Variants in RASSF4 observed in about 807,000 individuals in gnomAD.
RASSF4 encodes ras association domain-containing protein 4.
RASSF4 carries 38 observed loss-of-function variants against 41.1 expected under a neutral mutation model. The observed-to-expected ratio is 0.92, with a 90% CI of 0.71 to 1.21. RASSF4 has a LOEUF of 1.21. Among genes scored for constraint, RASSF4 ranks in the 50% most tolerant of loss-of-function variants. The pLI, the probability that RASSF4 is intolerant of heterozygous loss-of-function variation, is 0.00. For missense variants in RASSF4, 414 were observed against 419.4 expected (o/e 0.99, Z 0.11); for synonymous variants, 179 against 163.4 (o/e 1.10, Z -0.73).
intron 6 of RASSF4, among the ~76,000 whole-genome samples, chr10:44,985,191 G>T (rs982655775): frequency 2.0e-5 from 3 of 152,244 alleles, no homozygotes; most frequent in Admixed American, 1.3e-4. Context: ...ATTCTGGCAA[G>T]TAAGCTGGGG....
At chr10:44,982,768 A>T in intron 4 of RASSF4, 105 bp downstream of exon 4, 1 of 1,279,084 alleles carries the variant, frequency 7.8e-7, no homozygotes, top group Non-Finnish European at 1.1e-6. Flanking sequence ...GGACACTGGC[A>T]CAGGAGGGTG....
At chr10:44,987,186 C>A (rs1295579579) in intron 6 of RASSF4, among the ~76,000 whole-genome samples, 2 of 152,184 alleles carry the variant, frequency 1.3e-5, no homozygotes, top group Non-Finnish European at 2.9e-5. Flanking sequence ...CTCACTGCAA[C>A]CTCCACCTCC....
chr10:44,983,193 G>A, intron 4 of RASSF4: 1 of 347,948 alleles, frequency 2.9e-6, no homozygotes, highest in Admixed American at 3.8e-5. Context: ...ACTCCCAAAA[G>A]ACGCAGTTAG....
At chr10:44,989,144 A>G (rs976504856) in intron 6 of RASSF4, 130 bp from the exon 7 acceptor site, 2 of 621,712 alleles carry the variant, frequency 3.2e-6, no homozygotes, top group Non-Finnish European at 5.8e-6. Flanking sequence ...TGTGTGCATC[A>G]GCGTGAATGG....
chr10:44,984,202 C>T (rs1841831280), intron 5 of RASSF4, 89 bp downstream of exon 5: 2 of 1,294,782 alleles, frequency 1.5e-6, no homozygotes, highest in African/African-American at 1.5e-5. Context: ...CTCCGAAGGA[C>T]AGCTTTGTGC....
At position 44,970,990 on chromosome 10, in the gene RASSF4, T is replaced by C. The variant is rs139675590; in HGVS notation, c.62+726T>C. The C allele has an allele frequency of 2.0e-3, 346 of 171,026 alleles. 1 individual carries two copies. Among genetic ancestry groups the C allele is most frequent in the African/African-American group, 7.3e-3 (307 of 41,836 alleles). The allele number at this position is 171,026 out of a possible 1,614,324, so 10.6% of individuals were successfully genotyped here. ...TCCCATGATCCAAACACCTCCCACC[T>C]GGCCCCACCTCCAACACTGGGAATT... On this transcript the variant is annotated intron_variant, in intron 2 of 10. Transcript: ENST00000340258.
intron 1 of RASSF4, among the ~76,000 whole-genome samples, chr10:44,963,950 G>T: frequency 6.6e-6 from 1 of 152,344 alleles, no homozygotes; most frequent in Middle Eastern, 3.4e-3. Flanking sequence ...ACTCAATTTC[G>T]TGTCACGAAA....
At chr10:44,982,686 G>A in intron 4 of RASSF4, 23 bp downstream of exon 4, 1 of 1,609,314 alleles carries the variant, frequency 6.2e-7, no homozygotes, top group Non-Finnish European at 8.5e-7. Context: ...TGGCTTCTGT[G>A]ACACCTGCTC....
intron 1 of RASSF4, among the ~76,000 whole-genome samples, chr10:44,963,853 C>G (rs996045920): frequency 6.6e-6 from 1 of 152,188 alleles, no homozygotes; most frequent in Non-Finnish European, 1.5e-5. Flanking sequence ...GACACCACAT[C>G]TGTGTTGGCC....
chr10:44,991,964 A>T lies in RASSF4; in HGVS notation c.867A>T (p.Lys289Asn). Residue 289 changes from lysine to asparagine, a missense_variant, in exon 10 of 11, where the codon AAA (lysine) becomes AAT (asparagine). Transcript: ENST00000340258. The stretch of plus-strand genomic sequence containing the variant: ...TGGACAGTTTTGTTGAAAAATTAAA[A>T]GAAGAGGAAGAAAGAGAAATAATCA... The part of the protein sequence containing the change: ...PVLDSFVEKL[K>N]EEEEREIIKL... 1 of 1,612,992 alleles carries T rather than the reference A, an allele frequency of 6.2e-7. No homozygotes were observed.
chr10:44,968,123 T>C (rs1840979749), intron 1 of RASSF4, among the ~76,000 whole-genome samples: 1 of 152,104 alleles, frequency 6.6e-6, no homozygotes, highest in African/African-American at 2.4e-5. Flanking sequence ...AATTTTGGGG[T>C]AAATCCAGCC....
intron 3 of RASSF4, chr10:44,977,193 T>C (rs547542248): frequency 1.6e-6 from 1 of 619,454 alleles, no homozygotes; most frequent in Non-Finnish European, 2.7e-6. Context: ...GCGAACGGGA[T>C]TGGTAACATC....
chr10:44,987,570 G>C (rs1343452372), intron 6 of RASSF4, among the ~76,000 whole-genome samples: 1 of 147,478 alleles, frequency 6.8e-6, no homozygotes, highest in African/African-American at 2.5e-5. Context: ...GTACCTTGCA[G>C]ATTTTTGCAA....
intron 3 of RASSF4, among the ~76,000 whole-genome samples, chr10:44,980,148 C>T (rs1325696328): frequency 6.6e-6 from 1 of 152,104 alleles, no homozygotes; most frequent in African/African-American, 2.4e-5. Context: ...ACTCCCTAGG[C>T]AAGCAAGAGG....
chr10:44,989,418 T>C, intron 7 of RASSF4, 43 bp downstream of exon 7: 2 of 1,381,570 alleles, frequency 1.4e-6, no homozygotes, highest in Non-Finnish European at 2.1e-6. Context: ...ATGCCAGTGG[T>C]CTGCTATTCT....
chr10:44,974,328 G>C (rs190975407), intron 3 of RASSF4, among the ~76,000 whole-genome samples: 2 of 152,380 alleles, frequency 1.3e-5, no homozygotes, highest in Admixed American at 1.3e-4. Context: ...AATATAAGGT[G>C]ATATAGGAAT....
intron 1 of RASSF4, among the ~76,000 whole-genome samples, chr10:44,967,572 C>T (rs779374525): frequency 3.3e-5 from 5 of 152,358 alleles, no homozygotes; most frequent in African/African-American, 1.2e-4. Context: ...TGTCCCTCAG[C>T]GGAGTCACCT....
intron 1 of RASSF4, among the ~76,000 whole-genome samples, chr10:44,961,705 C>G (rs975116474): frequency 3.3e-5 from 5 of 152,168 alleles, no homozygotes; most frequent in African/African-American, 1.2e-4. Context: ...CAGAAGTCAT[C>G]GAGGATTATA....
At position 44,982,611 on chromosome 10, in the gene RASSF4, C is replaced by T. The variant is rs1338854987; in HGVS notation, c.229C>T (p.Gln77Ter). ...IRLQMQDDRE[Q>*]VHLPSTSWMP... ...GCTGCAGATGCAGGATGACCGGGAG[C>T]AGGTGCACCTCCCCTCCACCTCATG... is the stretch of plus-strand genomic sequence containing the variant. Residue 77 changes from glutamine to a stop codon, truncating the protein, a stop_gained, in exon 4 of 11, where the codon CAG becomes TAG. Coordinates refer to ENST00000340258, the MANE Select transcript of RASSF4 (RefSeq NM_032023.4). LOFTEE classifies it high-confidence loss of function. The T allele has an allele frequency of 6.2e-7, 1 of 1,613,070 alleles. No homozygotes were observed. Among genetic ancestry groups the T allele is most frequent in the Non-Finnish European group, 8.5e-7 (1 of 1,179,468 alleles).
Sources: allele counts gnomAD v4.1 joint callset (sites outside exome capture counted in the v4.1 genomes callset), GRCh38; gene constraint gnomAD v4.1.1; transcripts MANE v1.5; gene names NCBI Gene and HGNC (gene_info 2026-07-23, HGNC 2026-07-21).